The following SORCS2 variants were observed in gnomAD, a reference collection of about 807,000 sequenced individuals.
SORCS2 encodes the protein VPS10 domain-containing receptor SorCS2.
Under a neutral mutation model 141.6 loss-of-function variants are expected in SORCS2, and 100 were observed. The observed-to-expected ratio is 0.71, with a 90% CI of 0.60 to 0.83. The LOEUF is 0.83. SORCS2 is among the 40% of genes least tolerant of loss of function. SORCS2 has a pLI of 0.00. For synonymous variants in SORCS2, 789 were observed against 676.9 expected (o/e 1.17, Z -2.57); for missense variants, 1,646 against 1,560.2 (o/e 1.05, Z -0.93).
intron 3 of SORCS2, among the ~76,000 whole-genome samples, chr4:7,624,536 CCA>C (rs1259968640): frequency 6.6e-6 from 1 of 152,214 alleles, no homozygotes; most frequent in Non-Finnish European, 1.5e-5. Flanking sequence ...TTAGGAGATT[CCA>C]CAGTTATTTC....
At chr4:7,656,182 C>T (rs1181165876) in intron 5 of SORCS2, among the ~76,000 whole-genome samples, 2 of 152,234 alleles carry the variant, frequency 1.3e-5, no homozygotes, top group African/African-American at 4.8e-5. Context: ...AGCTCAGACT[C>T]ATTAACGTTT....
chr4:7,299,012 C>T (rs537959392), intron 1 of SORCS2, among the ~76,000 whole-genome samples: 1 of 152,260 alleles, frequency 6.6e-6, no homozygotes, highest in African/African-American at 2.4e-5. Context: ...TAGCGGGAGG[C>T]CTCACAAAAG....
At chr4:7,728,329 C>T (rs376568759) in intron 21 of SORCS2, 21 bp from the exon 22 acceptor site, 31 of 1,590,970 alleles carry the variant, frequency 1.9e-5, no homozygotes, top group Non-Finnish European at 2.5e-5. Context: ...TGACCAGTCT[C>T]CCTTCTCTGC....
chr4:7,485,340 G>A (rs528804092), intron 2 of SORCS2, among the ~76,000 whole-genome samples: 1 of 152,212 alleles, frequency 6.6e-6, no homozygotes, highest in Non-Finnish European at 1.5e-5. Context: ...CAGAGCCCCT[G>A]GGCCATCCCA....
At chr4:7,588,129 C>T (rs1216245915) in intron 3 of SORCS2, among the ~76,000 whole-genome samples, 2 of 152,182 alleles carry the variant, frequency 1.3e-5, no homozygotes, top group Non-Finnish European at 2.9e-5. Flanking sequence ...CCATCTGGGT[C>T]CCTCTGAATA....
At chr4:7,612,243 A>G (rs1718452435) in intron 3 of SORCS2, among the ~76,000 whole-genome samples, 4 of 152,206 alleles carry the variant, frequency 2.6e-5, no homozygotes, top group Admixed American at 2.6e-4. Context: ...CAGGAATCCA[A>G]AATGGCTTTT....
chr4:7,343,854 A>G (rs1210717720), intron 1 of SORCS2, among the ~76,000 whole-genome samples: 1 of 152,214 alleles, frequency 6.6e-6, no homozygotes, highest in Non-Finnish European at 1.5e-5. Flanking sequence ...GAAGGTTGAC[A>G]GGCCCTGTTG....
In SORCS2 at chr4:7,482,083, G is replaced by A. The variant is rs1260494313; in HGVS notation, c.549-49447G>A. Reference sequence around the variant, plus strand: ...TGTATCCCCACCGTGGACACCCCTGGCTACTGTTCAGACCTGTATCCCCAC... The same window carrying A: ...TGTATCCCCACCGTGGACACCCCTGACTACTGTTCAGACCTGTATCCCCAC... On this transcript the variant is annotated intron_variant, in intron 2 of 26. Transcript: ENST00000507866. Among the ~76,000 whole-genome samples the A allele has an allele frequency of 7.6e-5, 4 of 52,412 alleles. 1 individual carries two copies. The highest frequency in any genetic ancestry group is 1.4e-4 in the Non-Finnish European group (4 of 28,086). 34.4% of individuals were successfully genotyped at this position (52,412 alleles called of 152,430 possible).
chr4:7,641,802 A>ATGGATGGATGTGTGGG (rs1720746008), intron 4 of SORCS2, among the ~76,000 whole-genome samples: 1 of 111,918 alleles, frequency 8.9e-6, no homozygotes, highest in Non-Finnish European at 1.8e-5. Context: ...GGATGGATGG[A>ATGGATGGATGTGTGGG]TGGATGGATG....
intron 1 of SORCS2, among the ~76,000 whole-genome samples, chr4:7,196,688 G>A (rs1328343904): frequency 2.7e-5 from 4 of 147,032 alleles, no homozygotes; most frequent in East Asian, 2.0e-4. Context: ...TCTGTGCTGC[G>A]CCTACATGGT....
At chr4:7,640,414 G>A (rs929640076) in intron 4 of SORCS2, among the ~76,000 whole-genome samples, 6 of 136,088 alleles carry the variant, frequency 4.4e-5, no homozygotes, top group African/African-American at 1.1e-4. Context: ...GTGGGTGAGT[G>A]TGTGTGATCG....
In SORCS2 at chr4:7,388,575, A is replaced by C. The variant is rs1723638653; in HGVS notation, c.481-7713A>C. Among the ~76,000 whole-genome samples, 4 of 152,042 alleles carry C rather than the reference A, an allele frequency of 2.6e-5. 1 individual carries two copies. The South Asian group carries it at 6.2e-4, about 24-fold the overall frequency. ...CCCGCTTCCCCACCCACAGGTGTCC[A>C]CCTGATCACATTTCCTGTGTTTCCT... On this transcript the variant is annotated intron_variant, in intron 1 of 26. Coordinates refer to ENST00000507866, the MANE Select transcript of SORCS2 (RefSeq NM_020777.3).
chr4:7,423,890 C>T (rs1450435929), intron 2 of SORCS2, among the ~76,000 whole-genome samples: 1 of 152,226 alleles, frequency 6.6e-6, no homozygotes, highest in African/African-American at 2.4e-5. Flanking sequence ...CCCACCGTGG[C>T]GGCCAGCGTC....
intron 22 of SORCS2, 98 bp downstream of exon 22, chr4:7,728,560 G>T (rs1727382748): frequency 2.5e-6 from 2 of 797,836 alleles, no homozygotes; most frequent in East Asian, 2.8e-5. Flanking sequence ...GGAGAGGCGG[G>T]TGGCACTGCC....
At chr4:7,677,771 C>T (rs1317013298) in intron 9 of SORCS2, among the ~76,000 whole-genome samples, 2 of 152,196 alleles carry the variant, frequency 1.3e-5, no homozygotes, top group Non-Finnish European at 2.9e-5. Context: ...CAGGGTTCAT[C>T]TCCCCAGCAG....
intron 2 of SORCS2, among the ~76,000 whole-genome samples, chr4:7,468,640 C>T (rs1289735824): frequency 6.6e-6 from 1 of 152,228 alleles, no homozygotes; most frequent in African/African-American, 2.4e-5. Flanking sequence ...CAAGGCCTGG[C>T]ATGGCGCTTC....
intron 3 of SORCS2, among the ~76,000 whole-genome samples, chr4:7,615,401 G>T (rs1007900773): frequency 6.6e-6 from 1 of 152,224 alleles, no homozygotes; most frequent in African/African-American, 2.4e-5. Context: ...TCTTTTTCCT[G>T]GTATAAGGGG....
intron 1 of SORCS2, among the ~76,000 whole-genome samples, chr4:7,206,047 AAACAAAAAC>A (rs1184635330): frequency 6.6e-6 from 1 of 151,662 alleles, no homozygotes; most frequent in Admixed American, 6.6e-5. Context: ...CTCCATCTCA[AAACAAAAAC>A]AAAAACAAAA....
intron 4 of SORCS2, among the ~76,000 whole-genome samples, chr4:7,651,900 C>T (rs1192952437): frequency 6.6e-6 from 1 of 152,214 alleles, no homozygotes; most frequent in Non-Finnish European, 1.5e-5. Flanking sequence ...GCCATGGAAA[C>T]ATTCTCTGGG....
Sources: allele counts gnomAD v4.1 joint callset (sites outside exome capture counted in the v4.1 genomes callset), GRCh38; gene constraint gnomAD v4.1.1; transcripts MANE v1.5; gene names NCBI Gene and HGNC (gene_info 2026-07-23, HGNC 2026-07-21).